Variants in CDKN2B-AS1 observed in about 807,000 individuals in gnomAD.
CDKN2B-AS1 encodes the protein CDKN2B and CDKN2A antisense cis and trans regulatory RNA 1.
At chr9:22,053,185 A>G (rs1029122130) in intron 3 of CDKN2B-AS1, among the ~76,000 whole-genome samples, 1 of 152,216 alleles carries the variant, frequency 6.6e-6, no homozygotes, top group Non-Finnish European at 1.5e-5. Flanking sequence ...ATTATCACAC[A>G]ATTAATATGG....
intron 4 of CDKN2B-AS1, among the ~76,000 whole-genome samples, chr9:22,121,715 C>T (rs1826108017): frequency 6.6e-6 from 1 of 151,990 alleles, no homozygotes; most frequent in Non-Finnish European, 1.5e-5. Flanking sequence ...CAAGAGCATC[C>T]ATCCAGGATT....
chr9:22,007,331 C>A (rs3217978), intron 1 of CDKN2B-AS1, among the ~76,000 whole-genome samples: 1,864 of 151,348 alleles, frequency 0.012, 18 homozygotes, highest in Non-Finnish European at 0.019. Flanking sequence ...TGCACTCCAG[C>A]CTGTCCGACA....
chr9:22,073,372 G>A (rs1824372201), intron 4 of CDKN2B-AS1, among the ~76,000 whole-genome samples: 1 of 152,076 alleles, frequency 6.6e-6, no homozygotes, highest in Non-Finnish European at 1.5e-5. Context: ...ATTTCTAAAA[G>A]CACTGTGCAT....
chr9:22,029,631 T>A (rs1008238488), intron 1 of CDKN2B-AS1: 2 of 590,310 alleles, frequency 3.4e-6, no homozygotes, highest in Non-Finnish European at 3.1e-6. Flanking sequence ...CTTTCAGGTC[T>A]GTGTGATAAA....
At chr9:22,064,460 G>A (rs1823954867) in intron 4 of CDKN2B-AS1, among the ~76,000 whole-genome samples, 1 of 152,108 alleles carries the variant, frequency 6.6e-6, no homozygotes, top group Non-Finnish European at 1.5e-5. Context: ...TATGAAAAGA[G>A]GAGAAACCAA....
chr9:22,033,207 T>A (rs143695556), intron 1 of CDKN2B-AS1, among the ~76,000 whole-genome samples: 1 of 152,180 alleles, frequency 6.6e-6, no homozygotes, highest in East Asian at 1.9e-4. Flanking sequence ...ACGAAACCAG[T>A]CCCTGGTGCC....
At chr9:22,101,127 C>T (rs1215866267) in intron 4 of CDKN2B-AS1, among the ~76,000 whole-genome samples, 1 of 152,116 alleles carries the variant, frequency 6.6e-6, no homozygotes, top group Non-Finnish European at 1.5e-5. Flanking sequence ...ATTCCTCTAC[C>T]TTTCAGAGAC....
intron 4 of CDKN2B-AS1, among the ~76,000 whole-genome samples, chr9:22,059,565 C>G (rs1823724339): frequency 6.6e-6 from 1 of 152,152 alleles, no homozygotes; most frequent in South Asian, 2.1e-4. Flanking sequence ...TGTGGCTTTT[C>G]CAGATGAATA....
chr9:22,060,043 G>T (rs1823749472), intron 4 of CDKN2B-AS1, among the ~76,000 whole-genome samples: 1 of 152,128 alleles, frequency 6.6e-6, no homozygotes. Flanking sequence ...GTGATGGGAG[G>T]GGCTGCCATG....
chr9:22,113,072 G>T (rs1177943238), intron 4 of CDKN2B-AS1, among the ~76,000 whole-genome samples: 1 of 152,136 alleles, frequency 6.6e-6, no homozygotes, highest in African/African-American at 2.4e-5. Flanking sequence ...AAACTTAGAG[G>T]TTTGAAATAA....
At chr9:22,014,440 C>A (rs1159801341) in intron 1 of CDKN2B-AS1, among the ~76,000 whole-genome samples, 1 of 152,110 alleles carries the variant, frequency 6.6e-6, no homozygotes, top group Non-Finnish European at 1.5e-5. Context: ...GTTGGGATTA[C>A]AGACATAAGC....
intron 4 of CDKN2B-AS1, among the ~76,000 whole-genome samples, chr9:22,099,210 G>A (rs1825396162): frequency 6.6e-6 from 1 of 152,102 alleles, no homozygotes; most frequent in Admixed American, 6.6e-5. Flanking sequence ...CCATTTTTGA[G>A]GAATAGCCAA....
At chr9:22,056,234 A>ATATATATTTT (rs777560826) in intron 3 of CDKN2B-AS1, 1 of 98,280 alleles carries the variant, frequency 1.0e-5, no homozygotes, top group Non-Finnish European at 2.0e-5. Flanking sequence ...ATATATATAT[A>ATATATATTTT]TTTTTTTTTT....
intron 4 of CDKN2B-AS1, among the ~76,000 whole-genome samples, chr9:22,094,513 GT>G (rs1399552545): frequency 2.1e-5 from 3 of 144,150 alleles, no homozygotes; most frequent in Non-Finnish European, 4.4e-5. Context: ...GGCTTTGTTT[GT>G]TTCTTTTTAT....
chr9:22,066,825 T>A (rs1016706502), intron 4 of CDKN2B-AS1, among the ~76,000 whole-genome samples: 1 of 152,122 alleles, frequency 6.6e-6, no homozygotes, highest in Middle Eastern at 3.4e-3. Context: ...CAAATGTCCA[T>A]CAATGATAGA....
intron 1 of CDKN2B-AS1, among the ~76,000 whole-genome samples, chr9:22,027,744 T>C (rs995518593): frequency 1.3e-5 from 2 of 152,208 alleles, no homozygotes; most frequent in African/African-American, 4.8e-5. Context: ...TTCCTGTTCA[T>C]GGCTCTTACA....
intron 2 of CDKN2B-AS1, among the ~76,000 whole-genome samples, chr9:22,047,828 C>CTGCA (rs1307827379): frequency 2.0e-5 from 3 of 151,260 alleles, no homozygotes; most frequent in African/African-American, 7.3e-5. Flanking sequence ...ATTCTGTTGC[C>CTGCA]CAGGCTGTAA....
chr9:22,078,483 C>T (rs543068619), intron 4 of CDKN2B-AS1, among the ~76,000 whole-genome samples: 1 of 152,296 alleles, frequency 6.6e-6, no homozygotes, highest in Admixed American at 6.5e-5. Flanking sequence ...TTACTTACTT[C>T]TTCCAACATT....
chr9:22,102,929 A>G (rs1379676734), intron 4 of CDKN2B-AS1, among the ~76,000 whole-genome samples: 2 of 152,094 alleles, frequency 1.3e-5, no homozygotes, highest in Non-Finnish European at 1.5e-5. Flanking sequence ...GAGATTATAG[A>G]CTATTAAGGT....
Sources: allele counts gnomAD v4.1 joint callset (sites outside exome capture counted in the v4.1 genomes callset), GRCh38; gene constraint gnomAD v4.1.1; transcripts MANE v1.5; gene names NCBI Gene and HGNC (gene_info 2026-07-23, HGNC 2026-07-21).